ROBO2: variants seen among roughly 807,000 people sequenced by gnomAD.
ROBO2 encodes the protein roundabout guidance receptor 2.
A neutral mutation model predicts 160.8 loss-of-function variants in ROBO2; 53 were observed. The observed-to-expected ratio is 0.33, with a 90% CI of 0.26 to 0.41. The LOEUF is 0.41. Among genes scored for constraint, ROBO2 ranks in the 10% least tolerant of loss-of-function variants. ROBO2 has a pLI of 1.00. For missense variants in ROBO2, 1,577 were observed against 1,722.4 expected (o/e 0.92, Z 1.49); for synonymous variants, 664 against 611.7 (o/e 1.09, Z -1.26).
chr3:75,986,672 A>G (rs934234569), intron 2 of ROBO2, among the ~76,000 whole-genome samples: 1 of 151,312 alleles, frequency 6.6e-6, no homozygotes, highest in African/African-American at 2.4e-5. Flanking sequence ...GTTTTATAGT[A>G]TTTTTTGTAT....
At chr3:76,431,740 T>C (rs554901031) in intron 2 of ROBO2, among the ~76,000 whole-genome samples, 149 of 152,308 alleles carry the variant, frequency 9.8e-4, no homozygotes, top group African/African-American at 3.5e-3. Context: ...GAGGGTGTTA[T>C]GTTATGCTAA....
At chr3:76,192,609 G>A (rs2107188989) in intron 2 of ROBO2, among the ~76,000 whole-genome samples, 1 of 150,008 alleles carries the variant, frequency 6.7e-6, no homozygotes, top group African/African-American at 2.5e-5. Context: ...TACCCATCGT[G>A]TCCTCCTGTT....
intron 2 of ROBO2, among the ~76,000 whole-genome samples, chr3:77,364,464 G>A (rs1354070945): frequency 6.6e-6 from 1 of 152,050 alleles, no homozygotes; most frequent in Non-Finnish European, 1.5e-5. Context: ...TTCTCTCTAT[G>A]CCTTGACTTG....
At chr3:76,948,714 T>TG (rs1242841343) in intron 2 of ROBO2, among the ~76,000 whole-genome samples, 4 of 143,604 alleles carry the variant, frequency 2.8e-5, no homozygotes, top group African/African-American at 2.5e-5. Context: ...ATAATTTAAT[T>TG]TTTTTTTTTT....
At chr3:76,807,252 A>G (rs2064802427) in intron 2 of ROBO2, among the ~76,000 whole-genome samples, 2 of 152,068 alleles carry the variant, frequency 1.3e-5, no homozygotes, top group African/African-American at 4.8e-5. Context: ...ATAGTTCATA[A>G]CAACCTGAAC....
chr3:77,577,649 A>T (rs1414180193), intron 15 of ROBO2, 35 bp downstream of exon 16: 2 of 1,611,964 alleles, frequency 1.2e-6, no homozygotes, highest in East Asian at 2.2e-5. Context: ...GCTCTCATGT[A>T]AAGGTTCCCA....
intron 2 of ROBO2, among the ~76,000 whole-genome samples, chr3:76,606,026 A>G (rs1458839102): frequency 6.6e-6 from 1 of 152,114 alleles, no homozygotes; most frequent in African/African-American, 2.4e-5. Context: ...CAATCATTTA[A>G]CCACTAGGAT....
chr3:77,201,440 T>C (rs980538079), intron 2 of ROBO2, among the ~76,000 whole-genome samples: 1 of 152,180 alleles, frequency 6.6e-6, no homozygotes, highest in African/African-American at 2.4e-5. Flanking sequence ...CAGTTTAATT[T>C]TTCTTATTTT....
intron 2 of ROBO2, among the ~76,000 whole-genome samples, chr3:76,493,337 TTATATA>T (rs57835432): frequency 0.11 from 11,558 of 104,768 alleles, 889 homozygotes; most frequent in Middle Eastern, 0.17. Flanking sequence ...AGACAAAAAA[TTATATA>T]TATATATATA....
chr3:76,191,964 C>A (rs928342748), intron 2 of ROBO2, among the ~76,000 whole-genome samples: 1 of 152,042 alleles, frequency 6.6e-6, no homozygotes, highest in Non-Finnish European at 1.5e-5. Flanking sequence ...CAGTGCTCAA[C>A]TTACCTGTCT....
intron 19 of ROBO2, among the ~76,000 whole-genome samples, chr3:77,597,070 T>C (rs1187764948): frequency 1.3e-5 from 2 of 151,992 alleles, no homozygotes; most frequent in Non-Finnish European, 1.5e-5. Flanking sequence ...AACTAGGGCT[T>C]ATGGTTTTGG....
intron 2 of ROBO2, among the ~76,000 whole-genome samples, chr3:76,765,383 G>A (rs1303562845): frequency 6.6e-6 from 1 of 151,640 alleles, no homozygotes; most frequent in African/African-American, 2.4e-5. Flanking sequence ...TGAACCCAGA[G>A]TGTGGTGGTT....
Position 77,135,679 on chromosome 3 carries a change from G to A in ROBO2, c.388+37339G>A, listed in dbSNP as rs147416139. Among the ~76,000 whole-genome samples, 523 of 152,170 alleles carry A rather than the reference G, an allele frequency of 3.4e-3. 1 individual carries two copies. Among genetic ancestry groups the A allele is most frequent in the African/African-American group, 0.011 (449 of 41,518 alleles). On this transcript the variant is annotated intron_variant, in intron 2 of 25. Coordinates refer to ENST00000461745, the Ensembl canonical transcript of ROBO2. ...TTGCGTTGGCCTCTCAGAGTGCTGG[G>A]ATTTACAAGCGTGAGCCACCACACC...
At chr3:77,208,001 A>G (rs1312485473) in intron 2 of ROBO2, among the ~76,000 whole-genome samples, 2 of 152,228 alleles carry the variant, frequency 1.3e-5, no homozygotes, top group Non-Finnish European at 1.5e-5. Flanking sequence ...ATCCGAGGGC[A>G]GGAATTGGCT....
chr3:77,009,201 A>G (rs1049696507), intron 2 of ROBO2, among the ~76,000 whole-genome samples: 1 of 152,204 alleles, frequency 6.6e-6, no homozygotes, highest in African/African-American at 2.4e-5. Context: ...TCCCATTATC[A>G]TTCATTTAAA....
At chr3:77,436,348 A>G (rs952410638) in intron 2 of ROBO2, among the ~76,000 whole-genome samples, 2 of 147,386 alleles carry the variant, frequency 1.4e-5, no homozygotes, top group African/African-American at 2.5e-5. Flanking sequence ...TGTTCTCTTC[A>G]TCACTGTATT....
At chr3:77,204,315 T>A (rs1012566826) in intron 2 of ROBO2, among the ~76,000 whole-genome samples, 1 of 152,174 alleles carries the variant, frequency 6.6e-6, no homozygotes, top group African/African-American at 2.4e-5. Flanking sequence ...ACTTTTTTTT[T>A]AGCAAAATAT....
At chr3:77,646,108 C>T (rs1477162345) in exon 26 of ROBO2, 2 of 1,459,170 alleles carry the variant, frequency 1.4e-6, no homozygotes, top group African/African-American at 1.4e-5. Flanking sequence ...GGTCCGGACT[C>T]ATGGAAGTGA....
At chr3:77,137,870 G>A (rs2076401118) in intron 2 of ROBO2, among the ~76,000 whole-genome samples, 2 of 152,206 alleles carry the variant, frequency 1.3e-5, no homozygotes, top group Admixed American at 1.3e-4. Flanking sequence ...ATCTCTTAGA[G>A]CTTGGCCATC....
Sources: allele counts gnomAD v4.1 joint callset (sites outside exome capture counted in the v4.1 genomes callset), GRCh38; gene constraint gnomAD v4.1.1; transcripts MANE v1.5; gene names NCBI Gene and HGNC (gene_info 2026-07-23, HGNC 2026-07-21).